Variants in CNTN5 observed in about 807,000 individuals in gnomAD.
The protein encoded by CNTN5 is contactin 5.
In CNTN5, 77 loss-of-function variants were observed where a neutral mutation model predicts 129.1. The observed-to-expected ratio is 0.60, with a 90% CI of 0.50 to 0.72. The LOEUF (loss-of-function observed/expected upper bound fraction) is 0.72. Ranked by LOEUF, CNTN5 falls within the 30% of genes least tolerant of loss-of-function variation. The pLI is 0.00. For synonymous variants in CNTN5, 509 were observed against 465.6 expected, an observed-to-expected ratio of 1.09 and a Z score of -1.20; for missense variants, 1,478 against 1,328.8, an observed-to-expected ratio of 1.11 and a Z score of -1.75.
At chr11:99,981,103 TACACACACACAC>T (rs1555171291) in intron 8 of CNTN5, among the ~76,000 whole-genome samples, 1 of 54,494 alleles carries the variant, frequency 1.8e-5, no homozygotes, top group Non-Finnish European at 3.3e-5. Flanking sequence ...TATATATATA[TACACACACACAC>T]ACATATATGA....
intron 13 of CNTN5, among the ~76,000 whole-genome samples, chr11:100,086,155 T>G (rs559566842): frequency 3.3e-5 from 5 of 151,930 alleles, no homozygotes; most frequent in Admixed American, 3.3e-4. Flanking sequence ...CAAGAGGTAG[T>G]CTTTGAAAGA....
intron 13 of CNTN5, among the ~76,000 whole-genome samples, chr11:100,167,396 T>A (rs1947674683): frequency 6.6e-6 from 1 of 151,878 alleles, no homozygotes; most frequent in Non-Finnish European, 1.5e-5. Flanking sequence ...AGATGTTTTC[T>A]TAAACATTCA....
chr11:100,039,391 T>G (rs931840640), intron 9 of CNTN5, among the ~76,000 whole-genome samples: 1 of 152,214 alleles, frequency 6.6e-6, no homozygotes, highest in African/African-American at 2.4e-5. Context: ...TCTCTCTGGT[T>G]GCCCTTAACA....
At chr11:99,065,777 A>AG (rs894267345) in intron 1 of CNTN5, among the ~76,000 whole-genome samples, 7 of 152,020 alleles carry the variant, frequency 4.6e-5, no homozygotes, top group African/African-American at 1.7e-4. Flanking sequence ...AAGGAAAAGA[A>AG]GAAAAAAAAA....
intron 13 of CNTN5, among the ~76,000 whole-genome samples, chr11:100,091,751 CACTA>C (rs1565231919): frequency 6.6e-6 from 1 of 151,978 alleles, no homozygotes; most frequent in African/African-American, 2.4e-5. Flanking sequence ...TTATTTGTCT[CACTA>C]ACTAAAATTG....
intron 3 of CNTN5, among the ~76,000 whole-genome samples, chr11:99,751,427 C>A (rs1158926001): frequency 6.6e-6 from 1 of 151,992 alleles, no homozygotes; most frequent in African/African-American, 2.4e-5. Flanking sequence ...TCCCAGTCCC[C>A]AAAAGAGAGA....
chr11:100,268,898 A>C (rs1182395229), intron 17 of CNTN5, among the ~76,000 whole-genome samples: 1 of 152,220 alleles, frequency 6.6e-6, no homozygotes, highest in East Asian at 1.9e-4. Context: ...AATACCGCAG[A>C]AATCTATTCA....
At chr11:99,670,443 G>A (rs1336115747) in intron 3 of CNTN5, among the ~76,000 whole-genome samples, 1 of 152,136 alleles carries the variant, frequency 6.6e-6, no homozygotes, top group Admixed American at 6.5e-5. Flanking sequence ...CTTAACTGGT[G>A]TCTCAACACC....
chr11:99,681,250 A>C (rs2134715168), intron 3 of CNTN5, among the ~76,000 whole-genome samples: 1 of 152,202 alleles, frequency 6.6e-6, no homozygotes, highest in East Asian at 1.9e-4. Flanking sequence ...AAGCAGTGGT[A>C]GTGTTTGAAA....
At chr11:99,385,386 G>A (rs1347047946) in intron 2 of CNTN5, among the ~76,000 whole-genome samples, 1 of 151,886 alleles carries the variant, frequency 6.6e-6, no homozygotes, top group Non-Finnish European at 1.5e-5. Context: ...GACTTGAACT[G>A]GATTGAAATC....
intron 2 of CNTN5, among the ~76,000 whole-genome samples, chr11:99,388,023 C>T (rs1941018678): frequency 6.6e-6 from 1 of 152,120 alleles, no homozygotes; most frequent in Admixed American, 6.5e-5. Flanking sequence ...TCTCTCTATT[C>T]TTACAACTCC....
At chr11:99,389,338 A>G (rs1008061918) in intron 2 of CNTN5, among the ~76,000 whole-genome samples, 5 of 151,962 alleles carry the variant, frequency 3.3e-5, no homozygotes, top group African/African-American at 1.2e-4. Flanking sequence ...TCCAGTCCTT[A>G]TTTTCTATCC....
Position 99,490,658 on chromosome 11 carries a change from G to A in CNTN5, c.-70-65487G>A, listed in dbSNP as rs369825731. 3.9e-5 allele frequency among the ~76,000 whole-genome samples: 6 copies of A among 152,272 alleles called. No homozygotes were observed. In the East Asian group the frequency reaches 1.2e-3, roughly 29 times the overall value. On this transcript the variant is annotated intron_variant, in intron 2 of 24. Coordinates refer to ENST00000524871, the MANE Select transcript of CNTN5 (RefSeq NM_014361.4). ...GGACAGCCAACATGAGGCTGTATTA[G>A]CAAGCTGCCTGCTGATTGCATGATG...
chr11:99,796,746 G>A (rs916085397), intron 3 of CNTN5, among the ~76,000 whole-genome samples: 1 of 152,054 alleles, frequency 6.6e-6, no homozygotes, highest in African/African-American at 2.4e-5. Flanking sequence ...GGGAAACCCA[G>A]CAAGGCTTGG....
At chr11:99,252,398 G>A (rs1187745586) in intron 1 of CNTN5, among the ~76,000 whole-genome samples, 3 of 150,566 alleles carry the variant, frequency 2.0e-5, no homozygotes, top group East Asian at 2.0e-4. Context: ...AATTTTAAAA[G>A]CATTATTCCA....
chr11:100,240,509 G>C (rs1212622805), intron 16 of CNTN5, among the ~76,000 whole-genome samples: 1 of 152,178 alleles, frequency 6.6e-6, no homozygotes, highest in Non-Finnish European at 1.5e-5. Context: ...ATCAGTCATT[G>C]CCTAAGTTAA....
intron 13 of CNTN5, among the ~76,000 whole-genome samples, chr11:100,093,465 C>T (rs1304359764): frequency 6.6e-6 from 1 of 151,816 alleles, no homozygotes; most frequent in Non-Finnish European, 1.5e-5. Flanking sequence ...TGAGGTCTTG[C>T]TATGTTTCTC....
At chr11:100,355,224 G>A (rs1413092384) in intron 24 of CNTN5, among the ~76,000 whole-genome samples, 2 of 151,246 alleles carry the variant, frequency 1.3e-5, no homozygotes, top group African/African-American at 4.9e-5. Flanking sequence ...TTTTTAAACT[G>A]TTTTGTTAGA....
intron 13 of CNTN5, among the ~76,000 whole-genome samples, chr11:100,088,020 C>T (rs1333957164): frequency 6.7e-6 from 1 of 148,362 alleles, no homozygotes; most frequent in Non-Finnish European, 1.5e-5. Context: ...TTGAGTAAAA[C>T]AATAAAATTA....
Sources: gnomAD v4.1 joint callset for allele counts (sites outside exome capture counted in the v4.1 genomes callset) on GRCh38, gnomAD v4.1.1 for gene constraint, MANE v1.5 for transcripts, NCBI Gene and HGNC (gene_info 2026-07-23, HGNC 2026-07-21) for gene names.